RYR3: variants seen among roughly 807,000 people sequenced by gnomAD.
The protein encoded by RYR3 is brain ryanodine receptor-calcium release channel.
RYR3 carries 207 observed loss-of-function variants against 584.3 expected under a neutral mutation model. The observed-to-expected ratio is 0.35, with a 90% confidence interval of 0.32 to 0.40. The LOEUF is 0.40. Among genes scored for constraint, RYR3 ranks in the 10% least tolerant of loss-of-function variants. The pLI is 1.00. For synonymous variants in RYR3, 2,416 were observed against 2,248.5 expected (o/e 1.07, Z -2.11); for missense variants, 5,616 against 6,089.2 (o/e 0.92, Z 2.59).
At chr15:33,564,039 A>G (rs3829476) in intron 11 of RYR3, among the ~76,000 whole-genome samples, 101,522 of 152,026 alleles carry the variant, frequency 0.67, 34,651 homozygotes, top group Middle Eastern at 0.76. Flanking sequence ...TATTGCACAT[A>G]GAACGTAAGT....
chr15:33,811,103 T>G, intron 72 of RYR3, 66 bp downstream of exon 72: 1 of 1,319,550 alleles, frequency 7.6e-7, no homozygotes, highest in Non-Finnish European at 1.1e-6. Flanking sequence ...GTTCCAGCTT[T>G]TCACTTCATT....
intron 40 of RYR3, among the ~76,000 whole-genome samples, chr15:33,698,265 C>T (rs1407039106): frequency 1.3e-5 from 2 of 152,206 alleles, no homozygotes; most frequent in African/African-American, 4.8e-5. Context: ...TATTCGGCAG[C>T]CCTGCTCTTT....
At chr15:33,423,581 C>T (rs970681865) in intron 1 of RYR3, among the ~76,000 whole-genome samples, 1 of 152,152 alleles carries the variant, frequency 6.6e-6, no homozygotes, top group African/African-American at 2.4e-5. Flanking sequence ...CCACTGTTTA[C>T]CATTTTACAC....
At chr15:33,334,280 T>C (rs1021725662) in intron 1 of RYR3, among the ~76,000 whole-genome samples, 14 of 152,176 alleles carry the variant, frequency 9.2e-5, no homozygotes, top group African/African-American at 3.4e-4. Flanking sequence ...AACTTCAAAC[T>C]ATACTAAAAG....
chr15:33,845,761 T>C (rs1346153006), intron 93 of RYR3, among the ~76,000 whole-genome samples: 1 of 152,208 alleles, frequency 6.6e-6, no homozygotes, highest in East Asian at 1.9e-4. Flanking sequence ...AAAATTTTTA[T>C]AAAAATACCT....
chr15:33,314,428 C>G (rs1050491545), intron 1 of RYR3, among the ~76,000 whole-genome samples: 1 of 152,186 alleles, frequency 6.6e-6, no homozygotes, highest in African/African-American at 2.4e-5. Flanking sequence ...TTCAGACAGT[C>G]GGTGGAGCAG....
At chr15:33,460,894 G>A (rs1196001683) in intron 1 of RYR3, among the ~76,000 whole-genome samples, 2 of 138,714 alleles carry the variant, frequency 1.4e-5, no homozygotes, top group African/African-American at 5.4e-5. Flanking sequence ...CAGCCCCACT[G>A]TATCACAGCC....
At chr15:33,410,005 C>A (rs2043292210) in intron 1 of RYR3, among the ~76,000 whole-genome samples, 1 of 152,158 alleles carries the variant, frequency 6.6e-6, no homozygotes, top group Non-Finnish European at 1.5e-5. Flanking sequence ...CAGGCATAAA[C>A]CCCAAAGAAC....
At chr15:33,373,762 A>T (rs1189776152) in intron 1 of RYR3, among the ~76,000 whole-genome samples, 2 of 152,244 alleles carry the variant, frequency 1.3e-5, no homozygotes, top group Non-Finnish European at 2.9e-5. Context: ...CAATTAAATT[A>T]TGCCTTCAAA....
At chr15:33,537,159 G>T (rs2055400255) in intron 5 of RYR3, among the ~76,000 whole-genome samples, 2 of 152,046 alleles carry the variant, frequency 1.3e-5, no homozygotes, top group African/African-American at 4.8e-5. Flanking sequence ...TGCCTTATTT[G>T]TTTGCTTAGT....
chr15:33,856,913 T>TC (rs2079734944), intron 98 of RYR3: 1 of 152,280 alleles, frequency 6.6e-6, no homozygotes, highest in South Asian at 2.1e-4. Flanking sequence ...CGCCTCGGCC[T>TC]CCTAAAGTGC....
chr15:33,729,096 C>G (rs1172542630), intron 47 of RYR3, 70 bp downstream of exon 47: 33 of 1,312,504 alleles, frequency 2.5e-5, no homozygotes, highest in Middle Eastern at 4.5e-4. Context: ...GACTTCGAAG[C>G]AAATATTTTC....
intron 1 of RYR3, among the ~76,000 whole-genome samples, chr15:33,451,509 G>A (rs956894443): frequency 2.0e-5 from 3 of 152,142 alleles, no homozygotes; most frequent in Admixed American, 6.5e-5. Context: ...ACAATCATGT[G>A]AGTGAGGTGG....
intron 2 of RYR3, among the ~76,000 whole-genome samples, chr15:33,488,660 G>A (rs893216211): frequency 1.4e-4 from 22 of 151,994 alleles, no homozygotes; most frequent in Non-Finnish European, 2.9e-4. Context: ...AGACCATCCT[G>A]GCCAACATGG....
chr15:33,693,983 G>A (rs1440087465), intron 38 of RYR3, among the ~76,000 whole-genome samples: 1 of 152,104 alleles, frequency 6.6e-6, no homozygotes, highest in Non-Finnish European at 1.5e-5. Flanking sequence ...GGATGGGTTG[G>A]TGGAGCTCAG....
intron 3 of RYR3, among the ~76,000 whole-genome samples, chr15:33,529,895 C>G (rs2054712035): frequency 6.6e-6 from 1 of 152,170 alleles, no homozygotes; most frequent in Admixed American, 6.5e-5. Context: ...AAACAGACAC[C>G]AGTGGCTTTA....
At chr15:33,571,574 T>C (rs1177633909) in intron 12 of RYR3, among the ~76,000 whole-genome samples, 1 of 152,284 alleles carries the variant, frequency 6.6e-6, no homozygotes, top group East Asian at 1.9e-4. Context: ...TTATGAACAG[T>C]TTTGTCTTAA....
chr15:33,568,764 G>A (rs1036982924), intron 12 of RYR3, among the ~76,000 whole-genome samples: 1 of 152,076 alleles, frequency 6.6e-6, no homozygotes, highest in African/African-American at 2.4e-5. Context: ...TATTTGCAGA[G>A]CCTTACAACC....
chr15:33,722,660 T>C, intron 43 of RYR3, 55 bp from the exon 44 acceptor site: 3 of 1,508,650 alleles, frequency 2.0e-6, no homozygotes, highest in Non-Finnish European at 2.8e-6. Flanking sequence ...CAACTAGAAA[T>C]AAATTCTGGG....
Sources: allele counts gnomAD v4.1 joint callset (sites outside exome capture counted in the v4.1 genomes callset), GRCh38; gene constraint gnomAD v4.1.1; transcripts MANE v1.5; gene names NCBI Gene and HGNC (gene_info 2026-07-23, HGNC 2026-07-21).